The following CREB3L2 variants were observed in gnomAD, a reference collection of about 807,000 sequenced individuals.
CREB3L2 encodes cAMP responsive element binding protein 3 like 2.
CREB3L2 carries 23 observed loss-of-function variants against 57.2 expected under a neutral mutation model. That is an observed-to-expected ratio of 0.40 (90% confidence interval 0.29 to 0.57). CREB3L2 has a LOEUF of 0.57. Ranked by LOEUF, CREB3L2 falls within the 20% of genes least tolerant of loss-of-function variation. The pLI is 0.42. For synonymous variants in CREB3L2, 268 were observed against 265.1 expected (o/e 1.01, Z -0.11); for missense variants, 628 against 634.7 (o/e 0.99, Z 0.11).
chr7:137,924,786 C>T (rs1333048432), intron 2 of CREB3L2, among the ~76,000 whole-genome samples: 1 of 152,100 alleles, frequency 6.6e-6, no homozygotes, highest in Non-Finnish European at 1.5e-5. Context: ...TTGAAGGCTG[C>T]ACCTACATTT....
intron 1 of CREB3L2, among the ~76,000 whole-genome samples, chr7:137,968,208 CT>C (rs1045970771): frequency 0.017 from 2,460 of 143,806 alleles, 24 homozygotes; most frequent in Middle Eastern, 0.04. Context: ...GCTAGCTACT[CT>C]TTTTTTTTTT....
chr7:137,894,177 G>A (rs1414723370), intron 8 of CREB3L2, among the ~76,000 whole-genome samples: 3 of 152,122 alleles, frequency 2.0e-5, no homozygotes, highest in African/African-American at 4.8e-5. Flanking sequence ...TCTCTCCCTG[G>A]GCAAGAAGCA....
chr7:137,994,511 T>A (rs1801951582), intron 1 of CREB3L2, among the ~76,000 whole-genome samples: 1 of 152,192 alleles, frequency 6.6e-6, no homozygotes, highest in Non-Finnish European at 1.5e-5. Flanking sequence ...CTACATCTCC[T>A]AGTTAGTGAG....
In CREB3L2 at chr7:137,879,150, A is replaced by G. The variant is rs1799226118; in HGVS notation, c.*1326T>C. The G allele has an allele frequency of 7.8e-6, 4 of 510,034 alleles. No homozygotes were observed. The highest frequency in any genetic ancestry group is 3.4e-5 in the South Asian group (2 of 59,340). 31.6% of individuals were successfully genotyped at this position (510,034 alleles called of 1,614,324 possible). ...AAGAGGAAAGATTTTTTTAAACTAC[A>G]AAAGTTACTTTTAACCATAAAAAAA... On this transcript the variant is annotated 3_prime_UTR_variant, in exon 12 of 12. Transcript: ENST00000330387.
At chr7:137,899,032 G>GAAA (rs1799685341) in intron 8 of CREB3L2, among the ~76,000 whole-genome samples, 3 of 42,830 alleles carry the variant, frequency 7.0e-5, no homozygotes, top group African/African-American at 2.6e-4. Context: ...AGGGAAGGAA[G>GAAA]AAAGGAAGAA....
At chr7:137,973,610 G>C (rs1429983462) in intron 1 of CREB3L2, among the ~76,000 whole-genome samples, 1 of 152,202 alleles carries the variant, frequency 6.6e-6, no homozygotes, top group African/African-American at 2.4e-5. Flanking sequence ...AGTAAGCCCA[G>C]AGACTTATTA....
chr7:137,970,408 T>C (rs375019584), intron 1 of CREB3L2, among the ~76,000 whole-genome samples: 2 of 152,204 alleles, frequency 1.3e-5, no homozygotes, highest in African/African-American at 2.4e-5. Flanking sequence ...ACCACAGATA[T>C]TGGAATCAAT....
chr7:137,916,286 G>T (rs1800130895), intron 2 of CREB3L2, among the ~76,000 whole-genome samples: 1 of 152,236 alleles, frequency 6.6e-6, no homozygotes, highest in Non-Finnish European at 1.5e-5. Context: ...AGAAAGGCAG[G>T]AAGAAACCTG....
At chr7:137,882,312 A>AC (rs1311849162) in intron 11 of CREB3L2, 100 bp downstream of exon 11, 2 of 860,594 alleles carry the variant, frequency 2.3e-6, no homozygotes, top group East Asian at 4.9e-5. Flanking sequence ...GAGGGACTGA[A>AC]CCAGGCCTAT....
chr7:137,919,801 A>C (rs1221496807), intron 2 of CREB3L2, among the ~76,000 whole-genome samples: 2 of 152,218 alleles, frequency 1.3e-5, no homozygotes, highest in African/African-American at 4.8e-5. Context: ...TAAGACAAAA[A>C]CTCTAGATAA....
At chr7:137,992,642 T>C (rs566229989) in intron 1 of CREB3L2, among the ~76,000 whole-genome samples, 9 of 152,288 alleles carry the variant, frequency 5.9e-5, no homozygotes, top group African/African-American at 2.2e-4. Context: ...CTGAAGTTTA[T>C]AGCAGAGCCC....
intron 8 of CREB3L2, among the ~76,000 whole-genome samples, chr7:137,887,725 T>A (rs1306717453): frequency 2.0e-5 from 3 of 151,784 alleles, no homozygotes; most frequent in South Asian, 2.1e-4. Flanking sequence ...AAAAAAAAAA[T>A]TTCTATGCGT....
At position 137,876,697 on chromosome 7, in the gene CREB3L2, C is replaced by A. The variant is rs1799163422; in HGVS notation, c.*3779G>T. On this transcript the variant is annotated 3_prime_UTR_variant, in exon 12 of 12. Coordinates refer to ENST00000330387, the MANE Select transcript of CREB3L2 (RefSeq NM_194071.4). ...AAATAAAATGACTCTCAAGAGGGCA[C>A]TACCTGCCCATGGCTTCACAGGTCC... The A allele has an allele frequency of 8.6e-6, 2 of 232,362 alleles. No individual in the cohort carries two copies. The highest frequency in any genetic ancestry group is 1.7e-5 in the Non-Finnish European group (2 of 117,652). The allele number at this position is 232,362 out of a possible 1,614,324, so 14.4% of individuals were successfully genotyped here.
At chr7:137,920,435 A>G (rs1800247351) in intron 2 of CREB3L2, among the ~76,000 whole-genome samples, 1 of 152,170 alleles carries the variant, frequency 6.6e-6, no homozygotes. Context: ...GACCTTAGAG[A>G]TGCCAGTGAA....
chr7:137,922,447 TATATATACACAC>T (rs1800343445), intron 2 of CREB3L2: 1 of 101,342 alleles, frequency 9.9e-6, no homozygotes, highest in African/African-American at 8.7e-5. Context: ...CGTATATATA[TATATATACACAC>T]ATATATATAT....
intron 1 of CREB3L2, chr7:137,955,448 G>T (rs1414741807): frequency 5.4e-5 from 26 of 477,502 alleles, no homozygotes; most frequent in Non-Finnish European, 1.9e-5. Context: ...TTACACGTCC[G>T]GTTCAGAAAT....
intron 1 of CREB3L2, among the ~76,000 whole-genome samples, chr7:137,988,775 C>T (rs1359831672): frequency 6.6e-6 from 1 of 152,070 alleles, no homozygotes; most frequent in Non-Finnish European, 1.5e-5. Flanking sequence ...GATAGATGGA[C>T]TTATCTGGAG....
chr7:137,905,935 G>A, intron 5 of CREB3L2, 87 bp from the exon 6 acceptor site: 2 of 1,308,268 alleles, frequency 1.5e-6, no homozygotes, highest in South Asian at 2.8e-5. Context: ...ATGAGAATCT[G>A]TTACAATGTC....
chr7:137,893,715 G>A (rs947827767), intron 8 of CREB3L2, among the ~76,000 whole-genome samples: 12 of 152,196 alleles, frequency 7.9e-5, no homozygotes, highest in Non-Finnish European at 1.8e-4. Context: ...AAGAAAAGTA[G>A]AGTTAGAAAG....
Sources: allele counts gnomAD v4.1 joint callset (sites outside exome capture counted in the v4.1 genomes callset), GRCh38; gene constraint gnomAD v4.1.1; transcripts MANE v1.5; gene names NCBI Gene and HGNC (gene_info 2026-07-23, HGNC 2026-07-21).